Variants in GPAM observed in about 807,000 individuals in gnomAD.
GPAM encodes the protein glycerol-3-phosphate acyltransferase 1, mitochondrial.
In GPAM, 56 loss-of-function variants were observed where a neutral mutation model predicts 105.0. That is an observed-to-expected ratio of 0.53 (90% confidence interval 0.43 to 0.67). The LOEUF is 0.67. GPAM is among the 30% of genes least tolerant of loss of function. The probability of loss-of-function intolerance (pLI) is 0.00; values close to 1 mark genes in which losing one functional copy is unlikely to be tolerated. For missense variants in GPAM, 855 were observed against 989.8 expected, an observed-to-expected ratio of 0.86 and a Z score of 1.83; for synonymous variants, 368 against 354.4, an observed-to-expected ratio of 1.04 and a Z score of -0.43.
chr10:112,168,551 T>C (rs752049127), intron 10 of GPAM, 27 bp from the exon 11 acceptor site: 5 of 1,420,032 alleles, frequency 3.5e-6, no homozygotes, highest in East Asian at 4.5e-5. Context: ...AAGTAAAACA[T>C]ACATTCAAGA....
chr10:112,153,753 A>C, intron 21 of GPAM, 87 bp from the exon 22 acceptor site: 2 of 1,498,712 alleles, frequency 1.3e-6, no homozygotes, highest in Non-Finnish European at 1.8e-6. Flanking sequence ...GGTGTCCTAG[A>C]CCTCAGAAGG....
chr10:112,195,810 A>G (rs1847716915), intron 1 of GPAM, among the ~76,000 whole-genome samples: 1 of 152,238 alleles, frequency 6.6e-6, no homozygotes, highest in Non-Finnish European at 1.5e-5. Flanking sequence ...GGCTGTTATA[A>G]CTATCAAGAG....
At chr10:112,214,118 G>A (rs1004868818) in intron 1 of GPAM, among the ~76,000 whole-genome samples, 1 of 152,144 alleles carries the variant, frequency 6.6e-6, no homozygotes, top group Non-Finnish European at 1.5e-5. Flanking sequence ...ATCCTGTGGG[G>A]GGATCCACAG....
chr10:112,193,239 G>T (rs923080723), intron 1 of GPAM, among the ~76,000 whole-genome samples: 1 of 152,170 alleles, frequency 6.6e-6, no homozygotes, highest in Non-Finnish European at 1.5e-5. Flanking sequence ...AAAGACAGGT[G>T]TTGACAGAGC....
At chr10:112,218,184 G>A (rs1217009053), upstream of GPAM, among the ~76,000 whole-genome samples, 1 of 152,234 alleles carries the variant, frequency 6.6e-6, no homozygotes, top group Non-Finnish European at 1.5e-5. Context: ...TGCCTGGCTT[G>A]TTCAAGTGAG....
rs1846956504 is a variant in GPAM, at chr10:112,153,445, G to A, written c.*105C>T. 1.9e-6 allele frequency: 3 copies of A among 1,600,754 alleles called. No homozygotes were observed. Among genetic ancestry groups the A allele is most frequent in the South Asian group, 2.2e-5 (2 of 90,222 alleles). The stretch of plus-strand genomic sequence containing the variant: ...CTTCCAGGAGATCACTTCGGGACAG[G>A]GCAGGCCTGACCCTGCGATGGCACC... On this transcript the variant is annotated 3_prime_UTR_variant, in exon 22 of 22. Coordinates refer to ENST00000348367, the MANE Select transcript of GPAM (RefSeq NM_001244949.2).
intron 8 of GPAM, among the ~76,000 whole-genome samples, 176 bp from the exon 9 acceptor site, chr10:112,172,494 A>G (rs1211798886): frequency 6.6e-6 from 1 of 152,258 alleles, no homozygotes; most frequent in Non-Finnish European, 1.5e-5. Context: ...CTAAAAAGAA[A>G]AAGAGCAACT....
At chr10:112,169,540 A>G (rs1026759628) in intron 9 of GPAM, among the ~76,000 whole-genome samples, 2 of 152,202 alleles carry the variant, frequency 1.3e-5, no homozygotes, top group African/African-American at 4.8e-5. Flanking sequence ...TCTTTTCCTA[A>G]CCCTATGTCT....
upstream of GPAM, among the ~76,000 whole-genome samples, chr10:112,186,716 T>C (rs186829232): frequency 1.6e-4 from 25 of 152,108 alleles, no homozygotes; most frequent in African/African-American, 5.8e-4. Context: ...CCAGCTAATT[T>C]TTTTCTGTAT....
chr10:112,155,333 G>T, intron 20 of GPAM: 1 of 169,430 alleles, frequency 5.9e-6, no homozygotes, highest in Non-Finnish European at 1.3e-5. Flanking sequence ...TGTGCAGCAA[G>T]TGAAACACAC....
chr10:112,169,585 ACTGT>A (rs776882526), intron 9 of GPAM, among the ~76,000 whole-genome samples: 17 of 152,188 alleles, frequency 1.1e-4, no homozygotes, highest in African/African-American at 3.4e-4. Context: ...TGAAGTTGAA[ACTGT>A]CTAAGTCAAT....
chr10:112,160,178 T>C (rs887931348), intron 16 of GPAM, 125 bp from the exon 17 acceptor site: 1 of 1,038,052 alleles, frequency 9.6e-7, no homozygotes, highest in Admixed American at 2.1e-5. Context: ...TGGAGAAATT[T>C]AAGTAAATCC....
chr10:112,160,117 C>G (rs1329194934), intron 16 of GPAM, 64 bp from the exon 17 acceptor site: 9 of 1,447,618 alleles, frequency 6.2e-6, no homozygotes, highest in African/African-American at 1.4e-5. Context: ...CTTCAACTGG[C>G]TTGAATAACC....
rs1846952845 is a variant in GPAM, at chr10:112,153,280, A to G, written c.*270T>C. 2 of 1,263,666 alleles carry G rather than the reference A, an allele frequency of 1.6e-6. No individual in the cohort carries two copies. Among genetic ancestry groups the G allele is most frequent in the East Asian group, 7.5e-5 (2 of 26,522 alleles). 78.3% of individuals were successfully genotyped at this position (1,263,666 alleles called of 1,614,324 possible). A position where few individuals can be genotyped will look rare whatever the true frequency, so the allele number is the denominator to read the frequency against. On this transcript the variant is annotated 3_prime_UTR_variant, in exon 22 of 22. Coordinates refer to ENST00000348367, the MANE Select transcript of GPAM (RefSeq NM_001244949.2). ...TCAATCTTTAATAAACTCAAAAATA[A>G]TTTATTGAGATTTCATCTTGTAGTC...
At chr10:112,171,989 A>C (rs1564679539) in intron 9 of GPAM, among the ~76,000 whole-genome samples, 193 bp downstream of exon 9, 1 of 152,200 alleles carries the variant, frequency 6.6e-6, no homozygotes, top group Non-Finnish European at 1.5e-5. Flanking sequence ...TAAAATATAT[A>C]AATAATGATG....
intron 1 of GPAM, among the ~76,000 whole-genome samples, chr10:112,214,549 C>T (rs576102942): frequency 9.2e-5 from 14 of 152,254 alleles, no homozygotes; most frequent in East Asian, 1.9e-4. Flanking sequence ...GCTATCTGCC[C>T]GATCCAAGCT....
At chr10:112,218,586 G>A (rs1193467621), upstream of GPAM, among the ~76,000 whole-genome samples, 2 of 152,196 alleles carry the variant, frequency 1.3e-5, no homozygotes, top group Non-Finnish European at 2.9e-5. Context: ...ACAGAGTGAA[G>A]TGAAAGCAAG....
chr10:112,166,342 C>CT (rs1197701934), intron 12 of GPAM, 60 bp downstream of exon 12: 7 of 898,984 alleles, frequency 7.8e-6, no homozygotes, highest in Admixed American at 1.7e-5. Context: ...AGAGTCAGCA[C>CT]TGGAGCCTCC....
chr10:112,220,064 T>C (rs1475966454), upstream of GPAM, among the ~76,000 whole-genome samples: 1 of 152,136 alleles, frequency 6.6e-6, no homozygotes, highest in Non-Finnish European at 1.5e-5. Flanking sequence ...GATAAGCCTT[T>C]TTAGATGTCT....
Sources: gnomAD v4.1 joint callset for allele counts (sites outside exome capture counted in the v4.1 genomes callset) on GRCh38, gnomAD v4.1.1 for gene constraint, MANE v1.5 for transcripts, NCBI Gene and HGNC (gene_info 2026-07-23, HGNC 2026-07-21) for gene names.